Variants in CCDC7 observed in about 807,000 individuals in gnomAD.
The protein encoded by CCDC7 is coiled-coil domain containing 7.
Under a neutral mutation model 196.9 loss-of-function variants are expected in CCDC7, and 183 were observed. The ratio of observed to expected loss-of-function variants is 0.93; its 90% CI spans 0.82 to 1.05. CCDC7 has a LOEUF of 1.05. Among genes scored for constraint, CCDC7 ranks in the 50% least tolerant of loss-of-function variants. The pLI, the probability that CCDC7 is intolerant of heterozygous loss-of-function variation, is 0.00. For missense variants in CCDC7, 1,540 were observed against 1,482.2 expected (o/e 1.04, Z -0.64); for synonymous variants, 525 against 484.6 (o/e 1.08, Z -1.10).
intron 29 of CCDC7, among the ~76,000 whole-genome samples, chr10:32,788,264 G>C (rs2082164080): frequency 6.6e-6 from 1 of 152,010 alleles, no homozygotes; most frequent in African/African-American, 2.4e-5. Flanking sequence ...CTGCCCCATT[G>C]TCAGGTCAGC....
chr10:32,639,103 T>C (rs1564917955), intron 20 of CCDC7, among the ~76,000 whole-genome samples: 1 of 152,224 alleles, frequency 6.6e-6, no homozygotes, highest in Non-Finnish European at 1.5e-5. Flanking sequence ...TTATTGCTTC[T>C]ATTTCATTCT....
At chr10:32,586,778 C>A (rs751066602) in intron 18 of CCDC7, among the ~76,000 whole-genome samples, 9 of 152,068 alleles carry the variant, frequency 5.9e-5, no homozygotes, top group Non-Finnish European at 1.3e-4. Context: ...GCTACTGTAG[C>A]CTTGTAGTAT....
intron 18 of CCDC7, among the ~76,000 whole-genome samples, chr10:32,605,214 G>A (rs1321100191): frequency 6.6e-6 from 1 of 152,250 alleles, no homozygotes; most frequent in Middle Eastern, 3.4e-3. Flanking sequence ...CAGACACCAA[G>A]CAGATGCCCA....
chr10:32,565,596 G>A (rs373767204), exon 14 of CCDC7: 3 of 1,608,756 alleles, frequency 1.9e-6, no homozygotes, highest in African/African-American at 2.7e-5. Context: ...AAGTCCTTCA[G>A]GAGCAATTGA....
intron 13 of CCDC7, among the ~76,000 whole-genome samples, chr10:32,552,602 A>G (rs2053649383): frequency 6.6e-6 from 1 of 152,120 alleles, no homozygotes; most frequent in South Asian, 2.1e-4. Flanking sequence ...CAGTTCTTGT[A>G]GTGGTGGCTT....
At chr10:32,469,278 A>C (rs376068867) in intron 5 of CCDC7, among the ~76,000 whole-genome samples, 3 of 152,346 alleles carry the variant, frequency 2.0e-5, no homozygotes, top group African/African-American at 7.2e-5. Flanking sequence ...CATTCTACTA[A>C]AGGAGTAAAG....
rs1003596375 is a variant in CCDC7 at position 32,778,990 on chromosome 10, A to G, written c.2919A>G (p.Ala973=). The G allele has an allele frequency of 9.0e-6, 14 of 1,549,228 alleles. No individual in the cohort carries two copies. The Middle Eastern group carries it at 8.3e-4, about 92-fold the overall frequency. Residue 973 remains alanine, a synonymous_variant, in exon 29 of 42, where the codon GCA becomes GCG. Coordinates refer to ENST00000639629, the Ensembl canonical transcript of CCDC7. Reference sequence around the variant, plus strand: ...TTATTCTTACAGTTAAAAATGAAGCAGCCTCAGAACTTCCAGATACAGCAG... The same window carrying G: ...TTATTCTTACAGTTAAAAATGAAGCGGCCTCAGAACTTCCAGATACAGCAG...
At chr10:32,565,354 C>G (rs1248781913) in intron 13 of CCDC7, among the ~76,000 whole-genome samples, 1 of 152,162 alleles carries the variant, frequency 6.6e-6, no homozygotes, top group East Asian at 1.9e-4. Context: ...TTCCCCGATT[C>G]ATGCTCAATT....
intron 20 of CCDC7, among the ~76,000 whole-genome samples, chr10:32,644,324 G>C (rs139527066): frequency 1.3e-5 from 2 of 152,018 alleles, no homozygotes; most frequent in South Asian, 2.1e-4. Context: ...ATCTGTGTAC[G>C]CATTAATAAG....
At chr10:32,806,874 G>T (rs930177746) in intron 30 of CCDC7, among the ~76,000 whole-genome samples, 2 of 151,992 alleles carry the variant, frequency 1.3e-5, no homozygotes, top group African/African-American at 4.8e-5. Flanking sequence ...AGCAGCAAGA[G>T]AAAAACAATG....
rs558332572 is a variant in CCDC7 at position 32,620,355 on chromosome 10, C to T, written c.1802-13899C>T. Reference sequence around the variant, plus strand: ...ATAATTTCCTGCACCTGTTTTATAGCGTGATAATATCATCTTCTACTCTAC... The same window carrying T: ...ATAATTTCCTGCACCTGTTTTATAGTGTGATAATATCATCTTCTACTCTAC... On this transcript the variant is annotated intron_variant, in intron 18 of 41. Transcript: ENST00000639629. Among the ~76,000 whole-genome samples, 53 of 152,214 alleles carry T rather than the reference C, an allele frequency of 3.5e-4. 1 individual carries two copies. Among genetic ancestry groups the T allele is most frequent in the African/African-American group, 1.2e-3 (50 of 41,538 alleles).
intron 18 of CCDC7, among the ~76,000 whole-genome samples, chr10:32,619,567 G>A (rs1287567962): frequency 6.6e-6 from 1 of 151,666 alleles, no homozygotes; most frequent in African/African-American, 2.4e-5. Context: ...ATAATGAGGA[G>A]TAATTAGCCC....
chr10:32,482,768 G>C (rs1323821622), intron 8 of CCDC7, among the ~76,000 whole-genome samples: 6 of 151,980 alleles, frequency 3.9e-5, no homozygotes, highest in Non-Finnish European at 8.8e-5. Flanking sequence ...TTGTCCTTGC[G>C]ATAGTTTGCT....
intron 28 of CCDC7, among the ~76,000 whole-genome samples, chr10:32,755,156 G>T (rs1378890688): frequency 1.3e-5 from 2 of 152,328 alleles, no homozygotes; most frequent in East Asian, 3.9e-4. Flanking sequence ...AGCTCAAGGA[G>T]GCTTGCCTGC....
chr10:32,830,928 G>T (rs2092098508), intron 32 of CCDC7, among the ~76,000 whole-genome samples: 1 of 152,114 alleles, frequency 6.6e-6, no homozygotes, highest in South Asian at 2.1e-4. Context: ...AACATTGAGA[G>T]ACAAAGTGAA....
At chr10:32,645,112 AATC>A (rs1372038450) in intron 20 of CCDC7, among the ~76,000 whole-genome samples, 7 of 152,358 alleles carry the variant, frequency 4.6e-5, no homozygotes, top group African/African-American at 1.7e-4. Context: ...CAACATCACT[AATC>A]ATCAGAGAAA....
At chr10:32,598,348 T>G (rs2060636320) in intron 18 of CCDC7, among the ~76,000 whole-genome samples, 1 of 152,196 alleles carries the variant, frequency 6.6e-6, no homozygotes, top group Non-Finnish European at 1.5e-5. Context: ...GCTAAGGCCA[T>G]TGGAAAAGTG....
At chr10:32,451,259 T>G (rs1486894860), upstream of CCDC7, among the ~76,000 whole-genome samples, 1 of 152,206 alleles carries the variant, frequency 6.6e-6, no homozygotes, top group Non-Finnish European at 1.5e-5. Context: ...TTAACTTGTC[T>G]GAGCTCAGTT....
At chr10:32,521,211 G>A (rs951399360) in intron 11 of CCDC7, among the ~76,000 whole-genome samples, 2 of 151,948 alleles carry the variant, frequency 1.3e-5, no homozygotes, top group African/African-American at 2.4e-5. Context: ...GGGCTTTTGC[G>A]ATTTCATATA....
Sources: gnomAD v4.1 joint callset for allele counts (sites outside exome capture counted in the v4.1 genomes callset) on GRCh38, gnomAD v4.1.1 for gene constraint, MANE v1.5 for transcripts, NCBI Gene and HGNC (gene_info 2026-07-23, HGNC 2026-07-21) for gene names.